The following PKIB variants were observed in gnomAD, a reference collection of about 807,000 sequenced individuals.
PKIB encodes the protein PKI-beta.
Under a neutral mutation model 4.5 loss-of-function variants are expected in PKIB, and 2 were observed. The observed-to-expected ratio is 0.44, with a 90% CI of 0.18 to 1.39. The LOEUF is 1.39. Among genes scored for constraint, PKIB ranks in the 40% most tolerant of loss-of-function variants. The probability of loss-of-function intolerance (pLI) is 0.27; values close to 1 mark genes in which losing one functional copy is unlikely to be tolerated. For synonymous variants in PKIB, 38 were observed against 36.0 expected (o/e 1.06, Z -0.20); for missense variants, 94 against 92.6 (o/e 1.02, Z -0.06).
intron 2 of PKIB, among the ~76,000 whole-genome samples, chr6:122,565,488 C>A (rs535421136): frequency 1.8e-4 from 27 of 152,300 alleles, no homozygotes; most frequent in Admixed American, 5.2e-4. Flanking sequence ...TGCTTTTAAA[C>A]AGGTAAGCTT....
chr6:122,510,756 C>G (rs1776560732), intron 2 of PKIB, among the ~76,000 whole-genome samples: 1 of 152,122 alleles, frequency 6.6e-6, no homozygotes, highest in South Asian at 2.1e-4. Context: ...CCTTAGGGAG[C>G]AGCCACTGTT....
At chr6:122,495,346 C>G (rs571797062) in intron 2 of PKIB, among the ~76,000 whole-genome samples, 21 of 152,302 alleles carry the variant, frequency 1.4e-4, no homozygotes, top group African/African-American at 4.3e-4. Flanking sequence ...GCCCTGCCCC[C>G]ACCTGAACAT....
chr6:122,539,577 G>A (rs1396404511), intron 2 of PKIB, among the ~76,000 whole-genome samples: 2 of 152,006 alleles, frequency 1.3e-5, no homozygotes, highest in Admixed American at 6.6e-5. Flanking sequence ...TGCTGAATTC[G>A]GTTTGCCAGT....
intron 2 of PKIB, among the ~76,000 whole-genome samples, chr6:122,506,084 C>A (rs1254916853): frequency 6.6e-6 from 1 of 151,894 alleles, no homozygotes; most frequent in Non-Finnish European, 1.5e-5. Flanking sequence ...TTTTTTTTAA[C>A]ATTTTTGTGA....
intron 3 of PKIB, among the ~76,000 whole-genome samples, chr6:122,595,512 G>A (rs1774151477): frequency 6.6e-6 from 1 of 152,188 alleles, no homozygotes. Context: ...CTTGGCAGAA[G>A]CATTGTGTGC....
chr6:122,520,685 A>G (rs1431243706), intron 2 of PKIB, among the ~76,000 whole-genome samples: 2 of 100,104 alleles, frequency 2.0e-5, no homozygotes, highest in East Asian at 3.1e-4. Context: ...CACCAAATTT[A>G]TATTAGTTTG....
chr6:122,542,335 T>C (rs150290249), intron 2 of PKIB, among the ~76,000 whole-genome samples: 1 of 152,188 alleles, frequency 6.6e-6, no homozygotes, highest in Non-Finnish European at 1.5e-5. Context: ...TGGTCTTTGA[T>C]GATGGTGACA....
At chr6:122,574,348 A>G (rs1773466910) in intron 2 of PKIB, among the ~76,000 whole-genome samples, 1 of 152,170 alleles carries the variant, frequency 6.6e-6, no homozygotes, top group African/African-American at 2.4e-5. Context: ...AAATAAATCT[A>G]CAGATTCAAT....
chr6:122,536,452 T>G (rs1777409522), intron 2 of PKIB, among the ~76,000 whole-genome samples: 4 of 152,170 alleles, frequency 2.6e-5, no homozygotes, highest in Admixed American at 2.6e-4. Context: ...CATAGGGACA[T>G]CTCTGACTAT....
At chr6:122,704,445 T>A (rs1439045901) in intron 3 of PKIB, among the ~76,000 whole-genome samples, 2 of 152,114 alleles carry the variant, frequency 1.3e-5, no homozygotes, top group Non-Finnish European at 2.9e-5. Flanking sequence ...TATTGTTAGG[T>A]GCTTTCATCC....
intron 2 of PKIB, among the ~76,000 whole-genome samples, chr6:122,660,467 T>C (rs1776940816): frequency 6.6e-6 from 1 of 152,200 alleles, no homozygotes; most frequent in Non-Finnish European, 1.5e-5. Context: ...GGATATGTTG[T>C]TCTCTTACAG....
rs66695664 is a variant in PKIB, at chr6:122,652,292, T to TTG, written c.-76+18966_-76+18967dup. ...ATATGTTGTGTGCATATATGTTGGT[T>TTG]TGTGTGTGTGTGTGTGTGTGTGTGT... On this transcript the variant is annotated intron_variant, in intron 2 of 4. Coordinates refer to ENST00000368452, the MANE Select transcript of PKIB (RefSeq NM_181795.3). Among the ~76,000 whole-genome samples the TTG allele has an allele frequency of 5.5e-4, 78 of 142,040 alleles. 1 individual carries two copies. Among genetic ancestry groups the TTG allele is most frequent in the African/African-American group, 1.9e-3 (70 of 36,712 alleles). The allele number at this position is 142,040 out of a possible 152,430, so 93.2% of individuals were successfully genotyped here. A position where few individuals can be genotyped will look rare whatever the true frequency, so the allele number is the denominator to read the frequency against.
At chr6:122,482,547 T>C (rs1775653400) in intron 2 of PKIB, 1 of 86,786 alleles carries the variant, frequency 1.2e-5, no homozygotes, top group African/African-American at 3.4e-5. Context: ...AGGTTGGATT[T>C]TTTTTTTTTT....
At position 122,706,284 on chromosome 6, in the gene PKIB, T is replaced by A. The variant is rs533250762; in HGVS notation, c.-8-11503T>A. On this transcript the variant is annotated intron_variant, in intron 3 of 4. Coordinates refer to ENST00000368452, the MANE Select transcript of PKIB (RefSeq NM_181795.3). Reference sequence around the variant, plus strand: ...TATTTATAACACTTATTTGAATATATCATATATTTACTTCTATTTTTACAT... The same window carrying A: ...TATTTATAACACTTATTTGAATATAACATATATTTACTTCTATTTTTACAT... Among the ~76,000 whole-genome samples the A allele has an allele frequency of 3.3e-5, 5 of 152,332 alleles. No individual in the cohort carries two copies. The South Asian group carries it at 8.3e-4, about 25-fold the overall frequency.
At chr6:122,715,711 G>A (rs1298288909) in intron 3 of PKIB, among the ~76,000 whole-genome samples, 2 of 150,134 alleles carry the variant, frequency 1.3e-5, no homozygotes, top group East Asian at 3.9e-4. Flanking sequence ...ATATATATAT[G>A]TATATACACA....
chr6:122,651,588 A>G (rs755765576), intron 2 of PKIB, among the ~76,000 whole-genome samples: 17 of 152,164 alleles, frequency 1.1e-4, no homozygotes, highest in Non-Finnish European at 1.9e-4. Context: ...GGGATTTCCC[A>G]TATGTCCCCA....
chr6:122,689,646 G>A (rs968150431), intron 3 of PKIB, among the ~76,000 whole-genome samples: 2 of 152,256 alleles, frequency 1.3e-5, no homozygotes, highest in Middle Eastern at 3.4e-3. Context: ...TTTTTAAAAT[G>A]TTTTAAGACT....
intron 2 of PKIB, among the ~76,000 whole-genome samples, chr6:122,514,531 A>G (rs143375680): frequency 0.01 from 1,527 of 152,370 alleles, 12 homozygotes; most frequent in Non-Finnish European, 0.017. Flanking sequence ...ATGAAGAATC[A>G]GATTCACAAA....
intron 2 of PKIB, among the ~76,000 whole-genome samples, chr6:122,582,549 A>G (rs1269483195): frequency 5.9e-5 from 9 of 152,116 alleles, no homozygotes; most frequent in Non-Finnish European, 4.4e-5. Flanking sequence ...ATGTCCCTCA[A>G]AGAGGTTGAG....
Sources: allele counts gnomAD v4.1 joint callset (sites outside exome capture counted in the v4.1 genomes callset), GRCh38; gene constraint gnomAD v4.1.1; transcripts MANE v1.5; gene names NCBI Gene and HGNC (gene_info 2026-07-23, HGNC 2026-07-21).